Variants in ATRN observed in about 807,000 individuals in gnomAD.
ATRN encodes attractin-2.
In ATRN, 54 loss-of-function variants were observed where a neutral mutation model predicts 178.7. The ratio of observed to expected loss-of-function variants is 0.30; its 90% CI spans 0.24 to 0.38. The LOEUF is 0.38. Among genes scored for constraint, ATRN ranks in the 10% least tolerant of loss-of-function variants. ATRN has a pLI of 1.00. For synonymous variants in ATRN, 636 were observed against 663.0 expected, an observed-to-expected ratio of 0.96 and a Z score of 0.63; for missense variants, 1,443 against 1,815.1, an observed-to-expected ratio of 0.79 and a Z score of 3.73.
chr20:3,498,226 A>G (rs527887618), intron 1 of ATRN, among the ~76,000 whole-genome samples: 8 of 152,250 alleles, frequency 5.3e-5, no homozygotes, highest in African/African-American at 1.4e-4. Context: ...GGACCAGATG[A>G]ATTCACAGCT....
intron 1 of ATRN, 57 bp downstream of exon 1, chr20:3,471,574 C>A: frequency 7.4e-7 from 1 of 1,359,464 alleles, no homozygotes; most frequent in Admixed American, 4.0e-5. Context: ...GGCTGAGGGG[C>A]GTTCGAGACG....
At chr20:3,485,761 A>C (rs955230002) in intron 1 of ATRN, among the ~76,000 whole-genome samples, 2 of 151,652 alleles carry the variant, frequency 1.3e-5, no homozygotes, top group Admixed American at 1.3e-4. Flanking sequence ...AGCTGGGATT[A>C]CAGGTGCCTG....
chr20:3,555,102 C>T (rs1193499328), intron 6 of ATRN, among the ~76,000 whole-genome samples: 1 of 150,598 alleles, frequency 6.6e-6, no homozygotes, highest in Non-Finnish European at 1.5e-5. Flanking sequence ...CTGGGGTTCA[C>T]GCCATTCTCC....
chr20:3,552,636 C>T (rs1431666431), intron 6 of ATRN, among the ~76,000 whole-genome samples: 1 of 152,180 alleles, frequency 6.6e-6, no homozygotes, highest in Non-Finnish European at 1.5e-5. Context: ...CCTCTGTAAT[C>T]AAGGTGTCAG....
rs536209701 is a variant in ATRN, at chr20:3,554,990, C to CTTTTTTTTTTTTT, written c.1113-4385_1113-4373dup. Among the ~76,000 whole-genome samples, 6 of 67,490 alleles carry CTTTTTTTTTTTTT rather than the reference C, an allele frequency of 8.9e-5. 1 individual carries two copies. The highest frequency in any genetic ancestry group is 4.6e-4 in the Admixed American group (2 of 4,332). The allele number at this position is 67,490 out of a possible 152,430, so 44.3% of individuals were successfully genotyped here. ...TGGAACACCAAGTGTGACCTGACCTCTTTTTTTTTTTTTTTTTTTTTTTTT... is the reference window on the plus strand; with the variant it reads ...TGGAACACCAAGTGTGACCTGACCTCTTTTTTTTTTTTTTTTTTTTTTTTTTTTTTTTTTTTTT... On this transcript the variant is annotated intron_variant, in intron 6 of 28. Coordinates refer to ENST00000262919, the MANE Select transcript of ATRN (RefSeq NM_139321.3).
chr20:3,642,509 G>A (rs1396112665), intron 27 of ATRN, among the ~76,000 whole-genome samples: 1 of 152,108 alleles, frequency 6.6e-6, no homozygotes, highest in African/African-American at 2.4e-5. Flanking sequence ...TCTTGACTCC[G>A]TATTCAAAAA....
intron 1 of ATRN, among the ~76,000 whole-genome samples, chr20:3,476,929 G>C (rs1192573882): frequency 6.6e-6 from 1 of 152,086 alleles, no homozygotes; most frequent in Non-Finnish European, 1.5e-5. Flanking sequence ...TTTTCTTATA[G>C]TAATTACTAA....
chr20:3,507,388 C>T (rs1483904596), intron 1 of ATRN, among the ~76,000 whole-genome samples: 1 of 142,038 alleles, frequency 7.0e-6, no homozygotes, highest in Non-Finnish European at 1.5e-5. Flanking sequence ...CAGCCTGCGA[C>T]AGAGCGAAAC....
chr20:3,527,397 C>T lies in ATRN; in HGVS notation c.411-7856C>T, dbSNP rs1006715474. On this transcript the variant is annotated intron_variant, in intron 1 of 28. Coordinates refer to ENST00000262919, the MANE Select transcript of ATRN (RefSeq NM_139321.3). ...AGATACCATCTCCCACCAGTTAGAA[C>T]GGTGATCATTAAAAAGGCAGGAAAC... 3.9e-5 allele frequency among the ~76,000 whole-genome samples: 6 copies of T among 152,048 alleles called. No homozygotes were observed. In the East Asian group the frequency reaches 5.8e-4, roughly 15 times the overall value.
chr20:3,597,413 G>A (rs890127103), intron 21 of ATRN, among the ~76,000 whole-genome samples: 6 of 152,064 alleles, frequency 3.9e-5, no homozygotes, highest in Admixed American at 2.0e-4. Flanking sequence ...CATTAAAAAC[G>A]ACTTAACATC....
In ATRN at chr20:3,647,503, T is replaced by C. The variant is rs1458344962; in HGVS notation, c.*656T>C. 6.6e-6 allele frequency: 1 copy of C among 152,496 alleles called. No individual in the cohort carries two copies. Among genetic ancestry groups the C allele is most frequent in the Non-Finnish European group, 1.5e-5 (1 of 68,026 alleles). 9.4% of individuals were successfully genotyped at this position (152,496 alleles called of 1,614,324 possible). A position where few individuals can be genotyped will look rare whatever the true frequency, so the allele number is the denominator to read the frequency against. On this transcript the variant is annotated 3_prime_UTR_variant, in exon 29 of 29. Transcript: ENST00000262919. ...TAAACTGGTATAATAGGTAGTTTTCTATAGTAACTTGATTAATTTAGTCTT... is the reference window on the plus strand; with the variant it reads ...TAAACTGGTATAATAGGTAGTTTTCCATAGTAACTTGATTAATTTAGTCTT...
At chr20:3,630,798 A>T (rs989649988) in intron 25 of ATRN, among the ~76,000 whole-genome samples, 3 of 152,088 alleles carry the variant, frequency 2.0e-5, no homozygotes, top group African/African-American at 7.2e-5. Context: ...GTTTTTCTAG[A>T]CGATGTTTAC....
At chr20:3,604,621 A>T (rs1432754181) in intron 24 of ATRN, among the ~76,000 whole-genome samples, 1 of 152,262 alleles carries the variant, frequency 6.6e-6, no homozygotes, top group Non-Finnish European at 1.5e-5. Context: ...AAACAAACCC[A>T]CATATAACAA....
intron 24 of ATRN, among the ~76,000 whole-genome samples, chr20:3,623,407 G>C (rs1196962595): frequency 6.6e-6 from 1 of 152,182 alleles, no homozygotes; most frequent in African/African-American, 2.4e-5. Context: ...ATTATGGCCT[G>C]AATAGTGTTG....
At chr20:3,602,921 T>G (rs949113907) in intron 23 of ATRN, among the ~76,000 whole-genome samples, 1 of 118,586 alleles carries the variant, frequency 8.4e-6, no homozygotes, top group African/African-American at 3.3e-5. Flanking sequence ...CAAGATTGCA[T>G]CATTGCACTC....
At position 3,471,659 on chromosome 20, in the gene ATRN, G is replaced by A. The variant is rs2084425951; in HGVS notation, c.410+142G>A. The A allele has an allele frequency of 4.4e-6, 5 of 1,143,662 alleles. No individual in the cohort carries two copies. In the South Asian group the frequency reaches 1.3e-4, roughly 29 times the overall value. 70.8% of individuals were successfully genotyped at this position (1,143,662 alleles called of 1,614,324 possible). ...GCCCTATGGGGTTTGAGGGCCATTT[G>A]CTTCCGGGGAGATCATCGTCTCTGG... On this transcript the variant is annotated intron_variant, in intron 1 of 28. Transcript: ENST00000262919.
At chr20:3,479,696 G>T (rs2084591688) in intron 1 of ATRN, among the ~76,000 whole-genome samples, 1 of 152,164 alleles carries the variant, frequency 6.6e-6, no homozygotes, top group South Asian at 2.1e-4. Flanking sequence ...TGCAATCAAG[G>T]TACTGGCAGG....
In ATRN at chr20:3,584,745, A is replaced by G. The variant is rs368218139; in HGVS notation, c.3049A>G (p.Ile1017Val). 6.2e-6 allele frequency: 10 copies of G among 1,614,134 alleles called. No homozygotes were observed. The highest frequency in any genetic ancestry group is 7.6e-6 in the Non-Finnish European group (9 of 1,180,012). Residue 1017 changes from isoleucine to valine, a missense_variant, in exon 18 of 29, where the codon ATA becomes GTA. By Grantham distance (29) the Ile-to-Val change is conservative. Transcript: ENST00000262919. Reference protein sequence around the residue: ...DPSNTGKGKCIEGSYKGPVKM... With the variant: ...DPSNTGKGKCVEGSYKGPVKM... ...CAGCAATACTGGCAAAGGGAAATGC[A>G]TAGAGGGTTCCTATAAAGGACCAGT...
intron 18 of ATRN, among the ~76,000 whole-genome samples, chr20:3,587,910 A>G (rs1042990442): frequency 1.3e-5 from 2 of 152,146 alleles, no homozygotes; most frequent in African/African-American, 2.4e-5. Context: ...CAGTGGTGCT[A>G]TCTTGGCTCA....
Sources: gnomAD v4.1 joint callset for allele counts (sites outside exome capture counted in the v4.1 genomes callset) on GRCh38, gnomAD v4.1.1 for gene constraint, MANE v1.5 for transcripts, NCBI Gene and HGNC (gene_info 2026-07-23, HGNC 2026-07-21) for gene names.